The following PDE1A variants were observed in gnomAD, a reference collection of about 807,000 sequenced individuals.
PDE1A encodes the protein phosphodiesterase 1A, also known as dual specificity calcium/calmodulin-dependent 3',5'-cyclic nucleotide phosphodiesterase 1A.
Under a neutral mutation model 61.7 loss-of-function variants are expected in PDE1A, and 35 were observed. That is an observed-to-expected ratio of 0.57 (90% CI 0.43 to 0.75). The LOEUF (loss-of-function observed/expected upper bound fraction) is 0.75. Ranked by LOEUF, PDE1A falls within the 30% of genes least tolerant of loss-of-function variation. PDE1A has a pLI of 0.00. For synonymous variants in PDE1A, 232 were observed against 213.2 expected, an observed-to-expected ratio of 1.09 and a Z score of -0.77; for missense variants, 597 against 630.6, an observed-to-expected ratio of 0.95 and a Z score of 0.57.
At chr2:182,198,936 G>C (rs1686372515) in intron 10 of PDE1A, among the ~76,000 whole-genome samples, 1 of 151,930 alleles carries the variant, frequency 6.6e-6, no homozygotes, top group South Asian at 2.1e-4. Flanking sequence ...ATTGAATATT[G>C]AGAATTGAAA....
At chr2:182,471,410 C>T (rs1045430886) in intron 2 of PDE1A, among the ~76,000 whole-genome samples, 1 of 151,554 alleles carries the variant, frequency 6.6e-6, no homozygotes, top group African/African-American at 2.4e-5. Context: ...ACAAGAAGCC[C>T]AATTATAATA....
intron 2 of PDE1A, among the ~76,000 whole-genome samples, chr2:182,249,546 A>C (rs535730748): frequency 6.6e-6 from 1 of 152,228 alleles, no homozygotes; most frequent in African/African-American, 2.4e-5. Context: ...GTGGTACTGA[A>C]CTCATATGTT....
At chr2:182,197,045 T>G (rs1274206709) in intron 10 of PDE1A, among the ~76,000 whole-genome samples, 1 of 151,904 alleles carries the variant, frequency 6.6e-6, no homozygotes, top group African/African-American at 2.4e-5. Context: ...ACCTGTGATG[T>G]ATGTATGATA....
chr2:182,250,594 A>T (rs1691324709), intron 2 of PDE1A, among the ~76,000 whole-genome samples: 1 of 152,280 alleles, frequency 6.6e-6, no homozygotes, highest in Non-Finnish European at 1.5e-5. Flanking sequence ...AGATTTGTTC[A>T]ATGTTCCTCT....
the PDE1A span, among the ~76,000 whole-genome samples, chr2:182,548,162 A>T: frequency 6.6e-6 from 1 of 152,166 alleles, no homozygotes. Context: ...TGAACATAAT[A>T]TTTGCTCAGA....
chr2:182,547,454 T>C, the PDE1A span, among the ~76,000 whole-genome samples: 1 of 152,220 alleles, frequency 6.6e-6, no homozygotes, highest in Non-Finnish European at 1.5e-5. Context: ...ATTTTCTTGA[T>C]GAAAAGACTC....
At chr2:182,289,496 T>G (rs888856232) in intron 1 of PDE1A, among the ~76,000 whole-genome samples, 3 of 152,140 alleles carry the variant, frequency 2.0e-5, no homozygotes, top group African/African-American at 7.2e-5. Context: ...ATATTTTAAC[T>G]AGGGCTAGAC....
At chr2:182,167,152 GT>G (rs1691692250), downstream of PDE1A, among the ~76,000 whole-genome samples, 1 of 152,090 alleles carries the variant, frequency 6.6e-6, no homozygotes, top group South Asian at 2.1e-4. Context: ...GAGCTTGACT[GT>G]CATGGAAACT....
chr2:182,270,863 T>C (rs1692967190), intron 1 of PDE1A, among the ~76,000 whole-genome samples: 1 of 151,810 alleles, frequency 6.6e-6, no homozygotes, highest in South Asian at 2.1e-4. Context: ...AAGTTGATAA[T>C]AAAATCTGTT....
chr2:182,184,355 A>G (rs938561695), intron 13 of PDE1A, among the ~76,000 whole-genome samples: 4 of 152,134 alleles, frequency 2.6e-5, no homozygotes, highest in African/African-American at 7.2e-5. Context: ...CTCAGTACAT[A>G]CAAGGAAGCA....
intron 1 of PDE1A, among the ~76,000 whole-genome samples, chr2:182,396,742 A>G (rs188106824): frequency 6.6e-6 from 1 of 152,318 alleles, no homozygotes; most frequent in East Asian, 1.9e-4. Context: ...GGATAGCTGT[A>G]TTATGTTAGG....
chr2:182,475,246 A>G (rs552427193), intron 2 of PDE1A, among the ~76,000 whole-genome samples: 35 of 152,016 alleles, frequency 2.3e-4, no homozygotes, highest in African/African-American at 8.4e-4. Context: ...ACCTCAGGAA[A>G]AAAGACCAAG....
At chr2:182,416,598 C>T (rs534912893) in intron 1 of PDE1A, among the ~76,000 whole-genome samples, 1 of 152,128 alleles carries the variant, frequency 6.6e-6, no homozygotes. Flanking sequence ...GGAGAAGTTT[C>T]TTGAGGACAG....
chr2:182,561,900 T>A, the PDE1A span, among the ~76,000 whole-genome samples: 1 of 152,282 alleles, frequency 6.6e-6, no homozygotes, highest in African/African-American at 2.4e-5. Context: ...TTTTGTACAT[T>A]GATTTTGTAT....
intron 2 of PDE1A, among the ~76,000 whole-genome samples, chr2:182,503,110 A>C (rs1689194469): frequency 6.7e-6 from 1 of 148,274 alleles, no homozygotes; most frequent in South Asian, 2.1e-4. Context: ...ATTCTCTTCC[A>C]TCCTTTAACC....
At chr2:182,337,978 T>A (rs763412764) in intron 1 of PDE1A, among the ~76,000 whole-genome samples, 9 of 152,222 alleles carry the variant, frequency 5.9e-5, no homozygotes, top group Non-Finnish European at 1.3e-4. Context: ...CACATAGGTA[T>A]GTTCCTACTG....
the PDE1A span, among the ~76,000 whole-genome samples, chr2:182,607,702 T>C: frequency 5.9e-4 from 90 of 152,330 alleles, no homozygotes; most frequent in African/African-American, 2.1e-3. Flanking sequence ...ATAAAGCTGA[T>C]GTTTTTAAAA....
rs569028313 is a variant in PDE1A, at chr2:182,225,463, C to A, written c.676-1499G>T. On this transcript the variant is annotated intron_variant, in intron 6 of 13. Coordinates refer to ENST00000351439, the Ensembl canonical transcript of PDE1A. ...TCTTAGCTCCCTTCACATAACCTAT[C>A]ATGATATTCGGCACATATTAGGAAC... 2.0e-5 allele frequency among the ~76,000 whole-genome samples: 3 copies of A among 152,028 alleles called. No individual in the cohort carries two copies. The East Asian group carries it at 5.8e-4, about 29-fold the overall frequency.
chr2:182,623,045 T>C, the PDE1A span, among the ~76,000 whole-genome samples: 1 of 152,230 alleles, frequency 6.6e-6, no homozygotes, highest in Non-Finnish European at 1.5e-5. Flanking sequence ...AGTGTTTTAC[T>C]TGGTCCACAC....
Sources: gnomAD v4.1 joint callset for allele counts (sites outside exome capture counted in the v4.1 genomes callset) on GRCh38, gnomAD v4.1.1 for gene constraint, MANE v1.5 for transcripts, NCBI Gene and HGNC (gene_info 2026-07-23, HGNC 2026-07-21) for gene names.